The following TSHZ2 variants were observed in gnomAD, a reference collection of about 807,000 sequenced individuals.
TSHZ2 encodes teashirt homolog 2.
Under a neutral mutation model 74.4 loss-of-function variants are expected in TSHZ2, and 21 were observed. The ratio of observed to expected loss-of-function variants is 0.28; its 90% CI spans 0.20 to 0.41. The LOEUF (loss-of-function observed/expected upper bound fraction) is 0.41, where lower values mean the gene tolerates loss of function less well. Ranked by LOEUF, TSHZ2 falls within the 10% of genes least tolerant of loss-of-function variation. TSHZ2 has a pLI of 1.00. For missense variants in TSHZ2, 1,244 were observed against 1,293.5 expected (o/e 0.96, Z 0.59); for synonymous variants, 540 against 515.3 (o/e 1.05, Z -0.65).
intron 2 of TSHZ2, among the ~76,000 whole-genome samples, chr20:53,326,848 C>T (rs1979513607): frequency 6.6e-6 from 1 of 152,222 alleles, no homozygotes; most frequent in African/African-American, 2.4e-5. Flanking sequence ...TCTTACACTA[C>T]CTGCCTTGCA....
At chr20:53,197,056 G>C (rs761110036) in intron 1 of TSHZ2, among the ~76,000 whole-genome samples, 1 of 152,072 alleles carries the variant, frequency 6.6e-6, no homozygotes, top group African/African-American at 2.4e-5. Flanking sequence ...CCTCCCATCA[G>C]CCCCATCCTC....
chr20:53,357,928 C>G (rs1276556808), intron 2 of TSHZ2, among the ~76,000 whole-genome samples: 1 of 152,134 alleles, frequency 6.6e-6, no homozygotes, highest in African/African-American at 2.4e-5. Flanking sequence ...CCACCAGAAC[C>G]AAATACAGAG....
intron 2 of TSHZ2, among the ~76,000 whole-genome samples, chr20:53,429,842 T>C (rs1983778474): frequency 6.6e-6 from 1 of 152,164 alleles, no homozygotes; most frequent in Admixed American, 6.5e-5. Flanking sequence ...TGTGTCAGGG[T>C]GTCAGGGTTT....
intron 2 of TSHZ2, among the ~76,000 whole-genome samples, chr20:53,276,655 C>T (rs561065777): frequency 6.6e-6 from 1 of 152,306 alleles, no homozygotes; most frequent in Admixed American, 6.5e-5. Flanking sequence ...CTTGACTGTA[C>T]ATCGCAATCA....
At chr20:53,102,309 A>G (rs1311949616) in intron 1 of TSHZ2, among the ~76,000 whole-genome samples, 1 of 152,206 alleles carries the variant, frequency 6.6e-6, no homozygotes, top group Non-Finnish European at 1.5e-5. Context: ...GTGTCTACAC[A>G]GTGCTAGAGC....
intron 2 of TSHZ2, among the ~76,000 whole-genome samples, chr20:53,268,182 C>T (rs1222223169): frequency 6.6e-6 from 1 of 152,104 alleles, no homozygotes; most frequent in Non-Finnish European, 1.5e-5. Context: ...TCAAAAACAC[C>T]TTTCCATTTT....
At chr20:53,101,772 C>T (rs1986225505) in intron 1 of TSHZ2, among the ~76,000 whole-genome samples, 2 of 152,096 alleles carry the variant, frequency 1.3e-5, no homozygotes, top group Admixed American at 1.3e-4. Flanking sequence ...CATGAAGGTT[C>T]AAATAGTTTT....
At chr20:53,444,054 G>A (rs528650809) in intron 2 of TSHZ2, among the ~76,000 whole-genome samples, 21 of 152,118 alleles carry the variant, frequency 1.4e-4, no homozygotes, top group Admixed American at 6.5e-5. Flanking sequence ...TCGTTTTCCC[G>A]GGACTGAGGC....
chr20:53,442,503 T>C (rs746211507), intron 2 of TSHZ2, among the ~76,000 whole-genome samples: 1 of 152,142 alleles, frequency 6.6e-6, no homozygotes, highest in Non-Finnish European at 1.5e-5. Flanking sequence ...CGGATTCTAT[T>C]AGGGAAATGC....
intron 1 of TSHZ2, among the ~76,000 whole-genome samples, chr20:53,180,479 T>C (rs16997713): frequency 0.011 from 1,623 of 152,232 alleles, 35 homozygotes; most frequent in African/African-American, 0.037. Context: ...TTTGCTGAAG[T>C]CCAGGGTGAG....
chr20:52,997,263 G>C (rs550142636), intron 1 of TSHZ2, among the ~76,000 whole-genome samples: 34 of 151,528 alleles, frequency 2.2e-4, no homozygotes, highest in Non-Finnish European at 4.4e-4. Context: ...TTGCCCCGGG[G>C]GGGGGTTCAG....
chr20:53,056,795 C>T (rs1215371352), intron 1 of TSHZ2, among the ~76,000 whole-genome samples: 3 of 152,150 alleles, frequency 2.0e-5, no homozygotes, highest in Non-Finnish European at 4.4e-5. Flanking sequence ...TTGTCTGTTC[C>T]TCTCTCTCAT....
intron 2 of TSHZ2, among the ~76,000 whole-genome samples, chr20:53,313,432 A>G (rs1204976635): frequency 1.3e-5 from 2 of 152,220 alleles, no homozygotes; most frequent in Admixed American, 6.5e-5. Flanking sequence ...GGGCTGCTTT[A>G]GGCTGAAATA....
At chr20:53,037,529 T>C (rs1983865178) in intron 1 of TSHZ2, among the ~76,000 whole-genome samples, 1 of 152,190 alleles carries the variant, frequency 6.6e-6, no homozygotes, top group East Asian at 1.9e-4. Flanking sequence ...CAAAATATTC[T>C]CTAATTAAGT....
At chr20:53,234,672 G>A (rs1989900206) in intron 1 of TSHZ2, among the ~76,000 whole-genome samples, 2 of 152,138 alleles carry the variant, frequency 1.3e-5, no homozygotes, top group Admixed American at 1.3e-4. Context: ...AAAGTGCAGA[G>A]ACAGCAGCCA....
chr20:53,429,197 C>G (rs994703788), intron 2 of TSHZ2, among the ~76,000 whole-genome samples: 3 of 152,194 alleles, frequency 2.0e-5, no homozygotes, highest in African/African-American at 4.8e-5. Flanking sequence ...TAAGGGAACA[C>G]AGAGCAACCT....
chr20:53,290,664 T>C (rs746469520), intron 2 of TSHZ2, among the ~76,000 whole-genome samples: 9 of 152,184 alleles, frequency 5.9e-5, no homozygotes, highest in Non-Finnish European at 1.0e-4. Context: ...CTATTATTGG[T>C]TTCATTATGG....
At chr20:53,346,599 C>T (rs1413356865) in intron 2 of TSHZ2, among the ~76,000 whole-genome samples, 2 of 152,200 alleles carry the variant, frequency 1.3e-5, no homozygotes, top group Non-Finnish European at 2.9e-5. Flanking sequence ...CTCCTGTTGA[C>T]CAAAACCCTA....
intron 2 of TSHZ2, among the ~76,000 whole-genome samples, chr20:53,299,299 A>G (rs1250287998): frequency 6.6e-6 from 1 of 152,214 alleles, no homozygotes; most frequent in African/African-American, 2.4e-5. Context: ...TGCCCCAAAG[A>G]TTTTATGTAA....
Sources: gnomAD v4.1 joint callset for allele counts (sites outside exome capture counted in the v4.1 genomes callset) on GRCh38, gnomAD v4.1.1 for gene constraint, MANE v1.5 for transcripts, NCBI Gene and HGNC (gene_info 2026-07-23, HGNC 2026-07-21) for gene names.